BRD4: variants seen among roughly 807,000 people sequenced by gnomAD.
The protein encoded by BRD4 is bromodomain-containing protein 4.
Under a neutral mutation model 142.1 loss-of-function variants are expected in BRD4, and 16 were observed. That is an observed-to-expected ratio of 0.11 (90% CI 0.08 to 0.17). BRD4 has a LOEUF of 0.17. Ranked by LOEUF, BRD4 falls within the 10% of genes least tolerant of loss-of-function variation. The probability of loss-of-function intolerance (pLI) is 1.00; values close to 1 mark genes in which losing one functional copy is unlikely to be tolerated. For missense variants in BRD4, 1,424 were observed against 1,810.9 expected (o/e 0.79, Z 3.88); for synonymous variants, 833 against 707.5 (o/e 1.18, Z -2.82).
intron 1 of BRD4, among the ~76,000 whole-genome samples, chr19:15,330,979 G>C (rs544370350): frequency 1.6e-4 from 24 of 152,200 alleles, no homozygotes; most frequent in African/African-American, 4.8e-4. Flanking sequence ...CTGCGACTTG[G>C]TTTTTGGAAC....
chr19:15,260,421 A>G (rs149717647), intron 7 of BRD4, among the ~76,000 whole-genome samples: 1 of 152,334 alleles, frequency 6.6e-6, no homozygotes, highest in African/African-American at 2.4e-5. Context: ...GAGAAAGTAG[A>G]GAGAAGTAAG....
intron 1 of BRD4, among the ~76,000 whole-genome samples, chr19:15,295,359 C>T (rs545585037): frequency 5.3e-5 from 8 of 152,282 alleles, no homozygotes; most frequent in South Asian, 4.1e-4. Context: ...CTTTCTCTGC[C>T]GGGAATACCT....
rs1568374957 is a variant in BRD4 at position 15,237,389 on chromosome 19, GCTTTTTT to G, written c.*981_*987del. The G allele has an allele frequency of 4.5e-6, 1 of 222,128 alleles. No individual in the cohort carries two copies. The highest frequency in any genetic ancestry group is 9.0e-6 in the Non-Finnish European group (1 of 111,396). 13.8% of individuals were successfully genotyped at this position (222,128 alleles called of 1,614,324 possible). A position where few individuals can be genotyped will look rare whatever the true frequency, so the allele number is the denominator to read the frequency against. On this transcript the variant is annotated 3_prime_UTR_variant, in exon 20 of 20. Coordinates refer to ENST00000679869, the MANE Select transcript of BRD4 (RefSeq NM_001379291.1). Reference sequence around the variant, plus strand: ...TTTGTCTTTTTGTGGATTTTTTTGAGCTTTTTTCTTTTTTCACACCAGTTTGGTGGAG... The same window carrying G: ...TTTGTCTTTTTGTGGATTTTTTTGAGCTTTTTTCACACCAGTTTGGTGGAG...
intron 1 of BRD4, chr19:15,331,956 C>T (rs1389329502): frequency 7.1e-6 from 1 of 139,976 alleles, no homozygotes; most frequent in East Asian, 2.1e-4. Flanking sequence ...CCGCCCGCCC[C>T]CGACCGCCGG....
chr19:15,280,224 T>C (rs200394507), intron 1 of BRD4: 3 of 1,001,746 alleles, frequency 3.0e-6, no homozygotes, highest in Non-Finnish European at 3.6e-6. Context: ...TGGAACAGTG[T>C]GTGCTTCAAG....
intron 11 of BRD4, chr19:15,248,940 C>T (rs1390740634): frequency 6.6e-6 from 3 of 452,700 alleles, no homozygotes; most frequent in Non-Finnish European, 1.2e-5. Context: ...CAGAGTAGCA[C>T]CACATGAATG....
chr19:15,249,742 ACT>A (rs904517607), intron 11 of BRD4, among the ~76,000 whole-genome samples: 3 of 152,048 alleles, frequency 2.0e-5, no homozygotes, highest in African/African-American at 4.8e-5. Flanking sequence ...GGGGCTGTGC[ACT>A]GTCTAGTCTC....
At chr19:15,296,932 C>A (rs562372220) in intron 1 of BRD4, among the ~76,000 whole-genome samples, 7 of 152,258 alleles carry the variant, frequency 4.6e-5, no homozygotes, top group South Asian at 2.1e-4. Flanking sequence ...AAGCCCCCCC[C>A]ACCAACAGCC....
intron 1 of BRD4, among the ~76,000 whole-genome samples, chr19:15,298,610 G>C (rs1211084787): frequency 4.6e-5 from 4 of 87,674 alleles, no homozygotes; most frequent in African/African-American, 1.9e-4. Context: ...AACAGGGCGA[G>C]ACTCCAACTC....
intron 11 of BRD4, among the ~76,000 whole-genome samples, chr19:15,250,692 A>G (rs2047334450): frequency 6.6e-6 from 1 of 152,210 alleles, no homozygotes; most frequent in South Asian, 2.1e-4. Flanking sequence ...TAAGAGGGAC[A>G]TAAGCTGTGG....
intron 10 of BRD4, 72 bp downstream of exon 10, chr19:15,255,225 T>G: frequency 7.1e-7 from 1 of 1,416,834 alleles, no homozygotes; most frequent in Admixed American, 2.2e-5. Flanking sequence ...AAGAGTGGAC[T>G]GAGCAAGGAG....
intron 1 of BRD4, among the ~76,000 whole-genome samples, chr19:15,318,106 TTTCTC>T (rs2048031605): frequency 6.6e-6 from 1 of 152,226 alleles, no homozygotes. Context: ...CATGATCTTA[TTTCTC>T]TTAATTACAA....
chr19:15,273,816 CTTTTTTT>C (rs920676613), intron 1 of BRD4, among the ~76,000 whole-genome samples: 19 of 127,388 alleles, frequency 1.5e-4, no homozygotes, highest in East Asian at 6.9e-4. Context: ...CTACCATTTT[CTTTTTTT>C]TTTTTTTTTT....
intron 1 of BRD4, among the ~76,000 whole-genome samples, chr19:15,330,802 G>A (rs552542352): frequency 1.7e-4 from 26 of 152,304 alleles, no homozygotes; most frequent in African/African-American, 5.3e-4. Context: ...TCATAAAACA[G>A]ATTGTGCCAT....
rs151008837 is a variant in BRD4, at chr19:15,293,885, T to C, written c.-34-20752A>G. Among the ~76,000 whole-genome samples the C allele has an allele frequency of 4.6e-5, 7 of 152,340 alleles. No individual in the cohort carries two copies. In the East Asian group the frequency reaches 5.8e-4, roughly 13 times the overall value. On this transcript the variant is annotated intron_variant, in intron 1 of 19. Coordinates refer to ENST00000679869, the MANE Select transcript of BRD4 (RefSeq NM_001379291.1). ...GACCATTTTTGGTATCTCATGTAAG[T>C]TGAATCACAATATTTGCCCTTTTGT...
intron 1 of BRD4, among the ~76,000 whole-genome samples, chr19:15,278,845 T>C (rs965555189): frequency 6.6e-6 from 1 of 152,204 alleles, no homozygotes; most frequent in African/African-American, 2.4e-5. Context: ...CATGCCTGTT[T>C]TCTTTTCTTT....
chr19:15,244,686 A>T (rs778378057), intron 12 of BRD4, 24 bp downstream of exon 12: 2 of 1,613,992 alleles, frequency 1.2e-6, no homozygotes, highest in Admixed American at 3.3e-5. Flanking sequence ...CCACCTAATG[A>T]AGGATGCCCC....
chr19:15,238,242 C>A lies in BRD4; in HGVS notation c.*135G>T. ...ATCCTCAGCTGCCCGTCAGGCCTGCCCCGGGCATAGCATGCAGGAGGGCCA... is the reference window on the plus strand; with the variant it reads ...ATCCTCAGCTGCCCGTCAGGCCTGCACCGGGCATAGCATGCAGGAGGGCCA... On this transcript the variant is annotated 3_prime_UTR_variant, in exon 20 of 20. Transcript: ENST00000679869. This position sits in a 1 kb window ranked among gnomAD's most constrained non-coding sequence, Gnocchi z 7.2. 1 of 1,437,816 alleles carries A rather than the reference C, an allele frequency of 7.0e-7. No homozygotes were observed. The highest frequency in any genetic ancestry group is 9.4e-7 in the Non-Finnish European group (1 of 1,062,896). The allele number at this position is 1,437,816 out of a possible 1,614,324, so 89.1% of individuals were successfully genotyped here.
chr19:15,253,923 G>A, intron 11 of BRD4: 1 of 783,542 alleles, frequency 1.3e-6, no homozygotes, highest in Non-Finnish European at 2.0e-6. Flanking sequence ...ACCAGACCCT[G>A]GCAGGGAGAG....
Sources: gnomAD v4.1 joint callset for allele counts (sites outside exome capture counted in the v4.1 genomes callset) on GRCh38, gnomAD v4.1.1 for gene constraint, Gnocchi (gnomAD v3.1) non-coding constraint, MANE v1.5 for transcripts, NCBI Gene and HGNC (gene_info 2026-07-23, HGNC 2026-07-21) for gene names.